The following XPA variants were observed in gnomAD, a reference collection of about 807,000 sequenced individuals.
XPA encodes XPA, DNA damage recognition and repair factor, also known as DNA repair protein complementing XP-A cells.
Under a neutral mutation model 35.7 loss-of-function variants are expected in XPA, and 27 were observed. The observed-to-expected ratio is 0.76, with a 90% CI of 0.56 to 1.04. The LOEUF (loss-of-function observed/expected upper bound fraction) is 1.04, where lower values mean the gene tolerates loss of function less well. XPA is among the 50% of genes least tolerant of loss of function. XPA has a pLI of 0.00. For synonymous variants in XPA, 133 were observed against 118.4 expected, an observed-to-expected ratio of 1.12 and a Z score of -0.80; for missense variants, 354 against 342.7, an observed-to-expected ratio of 1.03 and a Z score of -0.26.
At chr9:97,664,266 C>T in the XPA span, 3 of 890,296 alleles carry the variant, frequency 3.4e-6, no homozygotes, top group Non-Finnish European at 5.2e-6. Context: ...ACTTTTATAG[C>T]AGCAGTGTGG....
chr9:97,682,735 A>G (rs1828585032), intron 5 of XPA, among the ~76,000 whole-genome samples: 1 of 152,238 alleles, frequency 6.6e-6, no homozygotes, highest in African/African-American at 2.4e-5. Context: ...AAATGAGGAC[A>G]ATTGACAGTA....
intron 4 of XPA, among the ~76,000 whole-genome samples, chr9:97,685,360 G>T (rs1398770644): frequency 6.6e-6 from 1 of 152,232 alleles, no homozygotes; most frequent in Non-Finnish European, 1.5e-5. Flanking sequence ...GCTCACCAAA[G>T]AAACAGTTTG....
intron 5 of XPA, 77 bp from the exon 6 acceptor site, chr9:97,675,664 T>C (rs1005550657): frequency 6.4e-6 from 10 of 1,553,652 alleles, no homozygotes; most frequent in Non-Finnish European, 8.9e-6. Context: ...CATCAAGCTT[T>C]CAGCCATGTA....
the XPA span, among the ~76,000 whole-genome samples, chr9:97,655,362 G>A: frequency 2.0e-5 from 3 of 152,024 alleles, no homozygotes; most frequent in South Asian, 6.2e-4. Flanking sequence ...TTACAGGCAT[G>A]AGCCACTGCA....
intron 3 of XPA, among the ~76,000 whole-genome samples, 167 bp downstream of exon 3, chr9:97,689,367 A>G (rs1409821745): frequency 6.6e-6 from 1 of 152,234 alleles, no homozygotes; most frequent in Non-Finnish European, 1.5e-5. Flanking sequence ...TTTAATAAGC[A>G]CAGATTTACA....
At chr9:97,689,463 A>G in intron 3 of XPA, 71 bp downstream of exon 3, 1 of 908,970 alleles carries the variant, frequency 1.1e-6, no homozygotes, top group Non-Finnish European at 1.8e-6. Context: ...AAATCCAAAC[A>G]GATATAACTT....
At chr9:97,664,450 T>C in the XPA span, 1 of 1,560,858 alleles carries the variant, frequency 6.4e-7, no homozygotes. Context: ...CCAGGTAATA[T>C]AAATTATTTT....
chr9:97,677,619 CGAG>C (rs1828406955), intron 5 of XPA, among the ~76,000 whole-genome samples: 1 of 152,016 alleles, frequency 6.6e-6, no homozygotes, highest in African/African-American at 2.4e-5. Flanking sequence ...TTGCTTAAGC[CGAG>C]GAGTTTGAGC....
Position 97,675,281 on chromosome 9 carries a change from A to T in XPA, c.*158T>A. On this transcript the variant is annotated 3_prime_UTR_variant, in exon 6 of 6. Transcript: ENST00000375128. ...TGACCTTCACTGAAACTTGCTTTTA[A>T]GCCATAACATACATAATTATTACTG... 1 of 898,036 alleles carries T rather than the reference A, an allele frequency of 1.1e-6. No homozygotes were observed. Among genetic ancestry groups the T allele is most frequent in the Non-Finnish European group, 1.7e-6 (1 of 578,154 alleles). 55.6% of individuals were successfully genotyped at this position (898,036 alleles called of 1,614,324 possible).
At chr9:97,697,080 G>A in intron 1 of XPA, 41 bp downstream of exon 1, 1 of 1,507,758 alleles carries the variant, frequency 6.6e-7, no homozygotes, top group Non-Finnish European at 8.9e-7. Flanking sequence ...GGACCGGGGA[G>A]GCGGGGAGAG....
chr9:97,683,965 A>C (rs971206975), intron 5 of XPA, among the ~76,000 whole-genome samples: 4 of 152,236 alleles, frequency 2.6e-5, no homozygotes, highest in Non-Finnish European at 5.9e-5. Flanking sequence ...GAATATATAC[A>C]TAAAGTATGT....
rs781115184 is a variant in XPA, at chr9:97,697,312, C to A, written c.-20G>T. The A allele has an allele frequency of 8.1e-6, 13 of 1,597,108 alleles. No homozygotes were observed. The highest frequency in any genetic ancestry group is 1.1e-5 in the Non-Finnish European group (13 of 1,179,112). On this transcript the variant is annotated 5_prime_UTR_variant, in exon 1 of 6. Transcript: ENST00000375128. ...CGCCATCTCTGGCCCACTCCGAGGA[C>A]CTAGCTCCCAGCTCCACGCACGCGC...
chr9:97,656,547 A>C, the XPA span, among the ~76,000 whole-genome samples: 4 of 152,230 alleles, frequency 2.6e-5, no homozygotes, highest in Non-Finnish European at 4.4e-5. Context: ...CGACACTCTT[A>C]TCTCAAAAAA....
the XPA span, among the ~76,000 whole-genome samples, chr9:97,654,609 AT>A: frequency 6.6e-6 from 1 of 152,100 alleles, no homozygotes; most frequent in Non-Finnish European, 1.5e-5. Context: ...CAATGAAACA[AT>A]GTATGCCTGT....
intron 5 of XPA, chr9:97,682,441 T>G (rs1564041614): frequency 1.9e-6 from 1 of 518,842 alleles, no homozygotes; most frequent in South Asian, 1.4e-5. Flanking sequence ...CTAAAGTAAA[T>G]CAACAAGAAG....
chr9:97,662,822 A>G, the XPA span: 1 of 646,586 alleles, frequency 1.5e-6, no homozygotes, highest in Non-Finnish European at 2.6e-6. Flanking sequence ...TTGCATCCTT[A>G]ATGGTTAATA....
chr9:97,668,835 G>A, the XPA span: 1 of 1,606,370 alleles, frequency 6.2e-7, no homozygotes, highest in Non-Finnish European at 8.5e-7. Flanking sequence ...TTGTTCATTT[G>A]CCTTCTATAG....
intron 2 of XPA, 72 bp from the exon 3 acceptor site, chr9:97,689,711 G>T: frequency 1.1e-6 from 1 of 880,622 alleles, no homozygotes; most frequent in Non-Finnish European, 1.8e-6. Flanking sequence ...TATTTTATTA[G>T]CTTATCAGCA....
chr9:97,680,797 A>G (rs1303901139), intron 5 of XPA, among the ~76,000 whole-genome samples: 1 of 152,222 alleles, frequency 6.6e-6, no homozygotes, highest in African/African-American at 2.4e-5. Context: ...TAGAAGAGTG[A>G]AAAAAGGTCT....
Sources: allele counts gnomAD v4.1 joint callset (sites outside exome capture counted in the v4.1 genomes callset), GRCh38; gene constraint gnomAD v4.1.1; transcripts MANE v1.5; gene names NCBI Gene and HGNC (gene_info 2026-07-23, HGNC 2026-07-21).